Variants in RBM34 observed in about 807,000 individuals in gnomAD.
RBM34 encodes the protein RNA-binding protein 34.
Under a neutral mutation model 44.6 loss-of-function variants are expected in RBM34, and 39 were observed. The observed-to-expected ratio is 0.87, with a 90% CI of 0.68 to 1.14. The LOEUF (loss-of-function observed/expected upper bound fraction) is 1.14. Among genes scored for constraint, RBM34 ranks in the 50% most tolerant of loss-of-function variants. RBM34 has a pLI of 0.00. For missense variants in RBM34, 572 were observed against 517.9 expected (o/e 1.10, Z -1.01); for synonymous variants, 194 against 184.0 (o/e 1.05, Z -0.44).
In RBM34 at chr1:235,161,053, T is replaced by G; in HGVS notation, c.68A>C (p.Asp23Ala). ...RSVQEGENPD[D>A]GVRGSPPEDY... ...TTCCGGCGGACTCCCGCGAACGCCGTCGTCAGGATTCTCTCTAGAAATGGA... is the reference window on the plus strand; with the variant it reads ...TTCCGGCGGACTCCCGCGAACGCCGGCGTCAGGATTCTCTCTAGAAATGGA... The change falls in exon 2 of 11, where the codon GAC becomes GCC. Residue 23 changes from aspartate to alanine, a missense_variant. Asp to Ala is a moderately radical substitution (Grantham distance 126, BLOSUM62 -2). Coordinates refer to ENST00000408888, the MANE Select transcript of RBM34 (RefSeq NM_015014.4). 1 of 1,613,824 alleles carries G rather than the reference T, an allele frequency of 6.2e-7. No homozygotes were observed. The highest frequency in any genetic ancestry group is 8.5e-7 in the Non-Finnish European group (1 of 1,179,840).
chr1:235,142,612 A>T (rs1379219270), intron 6 of RBM34, among the ~76,000 whole-genome samples: 1 of 151,990 alleles, frequency 6.6e-6, no homozygotes, highest in African/African-American at 2.4e-5. Flanking sequence ...TCTTCAATAA[A>T]ACTTAAAACT....
intron 3 of RBM34, among the ~76,000 whole-genome samples, chr1:235,158,484 G>A (rs1219496700): frequency 3.5e-5 from 4 of 115,284 alleles, no homozygotes; most frequent in African/African-American, 1.5e-4. Context: ...TGGATCTGAC[G>A]GCACAGTCCC....
chr1:235,154,406 A>AT (rs1491131074), intron 4 of RBM34, among the ~76,000 whole-genome samples: 2 of 147,550 alleles, frequency 1.4e-5, no homozygotes, highest in Non-Finnish European at 3.0e-5. Flanking sequence ...AAAAAAAAAA[A>AT]CACAAAAATT....
intron 5 of RBM34, among the ~76,000 whole-genome samples, chr1:235,149,619 G>A (rs1057048665): frequency 1.3e-5 from 2 of 152,084 alleles, no homozygotes; most frequent in Admixed American, 6.6e-5. Context: ...TTTATTTCCA[G>A]TCATATATAG....
At chr1:235,135,192 G>C (rs1330596470) in intron 10 of RBM34, among the ~76,000 whole-genome samples, 3 of 141,182 alleles carry the variant, frequency 2.1e-5, no homozygotes, top group African/African-American at 8.1e-5. Flanking sequence ...TTACAGGTAT[G>C]AGCCACCACA....
chr1:235,151,629 A>G (rs1455405124), intron 5 of RBM34, among the ~76,000 whole-genome samples: 3 of 152,308 alleles, frequency 2.0e-5, no homozygotes, highest in East Asian at 1.9e-4. Flanking sequence ...TAAACATCCT[A>G]TAATACAAAG....
Position 235,138,180 on chromosome 1 carries a change from CCAA to C in RBM34, c.702-9_702-7del. Reference sequence around the variant, plus strand: ...GATCAGGATGAATTTTACGTCTACACCAAAAAAAAAAAAAGAAAGAAAGAAAAG... The same window carrying C: ...GATCAGGATGAATTTTACGTCTACACAAAAAAAAAAAGAAAGAAAGAAAAG... On this transcript the variant is annotated splice_region_variant and splice_polypyrimidine_tract_variant and intron_variant, in intron 6 of 10. Transcript: ENST00000408888. 6.6e-7 allele frequency: 1 copy of C among 1,524,974 alleles called. No individual in the cohort carries two copies. The highest frequency in any genetic ancestry group is 1.2e-5 in the South Asian group (1 of 81,850). 94.5% of individuals were successfully genotyped at this position (1,524,974 alleles called of 1,614,324 possible). A position where few individuals can be genotyped will look rare whatever the true frequency, so the allele number is the denominator to read the frequency against.
At chr1:235,153,195 AG>A (rs1041406792) in intron 4 of RBM34, among the ~76,000 whole-genome samples, 66 of 151,820 alleles carry the variant, frequency 4.3e-4, no homozygotes, top group Middle Eastern at 3.4e-3. Flanking sequence ...AGAACATTTC[AG>A]GAAAGTAGGT....
At chr1:235,132,528 CGATCTCTT>C (rs1438196562) in intron 10 of RBM34, among the ~76,000 whole-genome samples, 1 of 152,138 alleles carries the variant, frequency 6.6e-6, no homozygotes, top group South Asian at 2.1e-4. Flanking sequence ...AGAATGGTCT[CGATCTCTT>C]GACCTTGTAA....
chr1:235,137,151 T>C (rs182149222), intron 8 of RBM34, among the ~76,000 whole-genome samples: 1 of 152,328 alleles, frequency 6.6e-6, no homozygotes, highest in East Asian at 1.9e-4. Context: ...GCATTGATGA[T>C]AGTACTTATA....
At chr1:235,158,590 G>A (rs1662552468) in intron 3 of RBM34, among the ~76,000 whole-genome samples, 1 of 152,134 alleles carries the variant, frequency 6.6e-6, no homozygotes, top group African/African-American at 2.4e-5. Context: ...AAGAGGGGAA[G>A]AAATATGGCT....
chr1:235,152,347 A>G (rs1662200360), intron 5 of RBM34: 2 of 370,234 alleles, frequency 5.4e-6, no homozygotes, highest in Non-Finnish European at 7.6e-6. Context: ...CCCACCTCCC[A>G]TACTAATGTG....
intron 5 of RBM34, among the ~76,000 whole-genome samples, chr1:235,149,116 C>T (rs921631291): frequency 3.2e-4 from 48 of 151,640 alleles, no homozygotes; most frequent in East Asian, 2.0e-4. Flanking sequence ...AGGCCGGGCG[C>T]GGTGGCTCAC....
intron 6 of RBM34, among the ~76,000 whole-genome samples, chr1:235,140,081 C>T (rs1340396068): frequency 2.6e-5 from 4 of 152,258 alleles, no homozygotes; most frequent in Non-Finnish European, 5.9e-5. Flanking sequence ...GGGAAAGGCA[C>T]AAAGCCCCAC....
intron 3 of RBM34, 31 bp from the exon 4 acceptor site, chr1:235,155,143 AAG>A (rs1303516365): frequency 1.3e-6 from 2 of 1,568,376 alleles, no homozygotes; most frequent in African/African-American, 1.4e-5. Flanking sequence ...AATAAGCAGT[AAG>A]AGTCATGCCA....
chr1:235,131,615 A>G lies in RBM34; in HGVS notation c.*98T>C, dbSNP rs1661199484. On this transcript the variant is annotated 3_prime_UTR_variant, in exon 11 of 11. Coordinates refer to ENST00000408888, the MANE Select transcript of RBM34 (RefSeq NM_015014.4). ...TCACATACACCATCCATAAAGAAGT[A>G]TAAAACTCAACACATGAATAGCAGA... 1 of 1,345,210 alleles carries G rather than the reference A, an allele frequency of 7.4e-7. No individual in the cohort carries two copies. The highest frequency in any genetic ancestry group is 1.5e-5 in the South Asian group (1 of 68,236). The allele number at this position is 1,345,210 out of a possible 1,614,324, so 83.3% of individuals were successfully genotyped here.
chr1:235,154,076 C>T (rs946567620), intron 4 of RBM34, among the ~76,000 whole-genome samples: 5 of 151,980 alleles, frequency 3.3e-5, no homozygotes, highest in African/African-American at 1.2e-4. Flanking sequence ...GAAACCCCGT[C>T]TCTACTAAAA....
chr1:235,155,844 T>TATATATAC (rs1553275339), intron 3 of RBM34, among the ~76,000 whole-genome samples: 11 of 28,316 alleles, frequency 3.9e-4, no homozygotes, highest in Non-Finnish European at 7.1e-4. Flanking sequence ...TATATATATA[T>TATATATAC]ATATATATAT....
intron 3 of RBM34, chr1:235,160,160 G>A: frequency 2.4e-6 from 1 of 416,052 alleles, no homozygotes; most frequent in Non-Finnish European, 4.7e-6. Context: ...GCCGAGGCAG[G>A]AGAATCGCTT....
Sources: allele counts gnomAD v4.1 joint callset (sites outside exome capture counted in the v4.1 genomes callset), GRCh38; gene constraint gnomAD v4.1.1; transcripts MANE v1.5; gene names NCBI Gene and HGNC (gene_info 2026-07-23, HGNC 2026-07-21).